Variants in GUCY1A2 observed in about 807,000 individuals in gnomAD.
GUCY1A2 encodes the protein guanylate cyclase 1 soluble subunit alpha 2.
GUCY1A2 carries 27 observed loss-of-function variants against 63.5 expected under a neutral mutation model. The observed-to-expected ratio is 0.43, with a 90% confidence interval of 0.31 to 0.59. The LOEUF (loss-of-function observed/expected upper bound fraction) is 0.59. Among genes scored for constraint, GUCY1A2 ranks in the 20% least tolerant of loss-of-function variants. The pLI is 0.11. For missense variants in GUCY1A2, 768 were observed against 913.3 expected (o/e 0.84, Z 2.05); for synonymous variants, 364 against 343.5 (o/e 1.06, Z -0.66).
intron 4 of GUCY1A2, among the ~76,000 whole-genome samples, chr11:106,858,141 A>G (rs1309426628): frequency 2.0e-5 from 3 of 152,216 alleles, no homozygotes; most frequent in Non-Finnish European, 4.4e-5. Flanking sequence ...TTCAATATTT[A>G]ACAGATTTCA....
rs190241007 is a variant in GUCY1A2, at chr11:107,017,894, G to C, written c.162C>G (p.Ala54=). 0.014 allele frequency: 17,075 copies of C among 1,247,264 alleles called. 1,618 individuals carry two copies. The African/African-American group carries it at 0.22, about 16-fold the overall frequency. 77.3% of individuals were successfully genotyped at this position (1,247,264 alleles called of 1,614,324 possible). The change falls in exon 1 of 8, where the codon GCC becomes GCG. Residue 54 remains alanine, a synonymous_variant. Coordinates refer to ENST00000526355, the MANE Select transcript of GUCY1A2 (RefSeq NM_000855.3). The part of the protein sequence containing the change: ...GPLEPSPAAA[A]AAAAPAPTPA... ...GGGTCGGGGCCGGGGCGGCGGCAGC[G>C]GCAGCTGCGGCCGGGCTGGGCTCCA...
At chr11:106,857,233 T>C (rs973096403) in intron 4 of GUCY1A2, among the ~76,000 whole-genome samples, 1 of 152,164 alleles carries the variant, frequency 6.6e-6, no homozygotes, top group African/African-American at 2.4e-5. Context: ...GTCGAGTTCC[T>C]GGTGAAGACC....
intron 1 of GUCY1A2, among the ~76,000 whole-genome samples, chr11:107,005,498 T>C (rs1048521145): frequency 2.0e-5 from 3 of 152,174 alleles, no homozygotes; most frequent in Middle Eastern, 6.8e-3. Context: ...GGTCTCAAAC[T>C]CCCGGGCTCA....
chr11:106,825,455 A>T (rs1858956407), intron 4 of GUCY1A2, among the ~76,000 whole-genome samples: 1 of 138,046 alleles, frequency 7.2e-6, no homozygotes, highest in South Asian at 2.3e-4. Context: ...GATGAGCTTA[A>T]AAAAAAAATT....
chr11:106,777,318 G>A (rs770289413), intron 5 of GUCY1A2, among the ~76,000 whole-genome samples: 33 of 151,930 alleles, frequency 2.2e-4, no homozygotes, highest in African/African-American at 4.3e-4. Flanking sequence ...ACGGTGGTGC[G>A]TGCCTGTGGT....
chr11:106,774,986 A>T (rs1005428813), intron 6 of GUCY1A2, among the ~76,000 whole-genome samples: 3 of 152,056 alleles, frequency 2.0e-5, no homozygotes, highest in African/African-American at 7.2e-5. Flanking sequence ...TCTGTGTCTG[A>T]TAAGTTTGAT....
At chr11:106,803,723 T>C (rs1196215867) in intron 5 of GUCY1A2, among the ~76,000 whole-genome samples, 1 of 152,148 alleles carries the variant, frequency 6.6e-6, no homozygotes, top group Non-Finnish European at 1.5e-5. Context: ...TTACAGATGA[T>C]AAAATGAGGC....
chr11:106,789,598 A>C (rs1198511938), intron 5 of GUCY1A2, among the ~76,000 whole-genome samples: 2 of 152,138 alleles, frequency 1.3e-5, no homozygotes, highest in Non-Finnish European at 2.9e-5. Context: ...TGCAGTCTTC[A>C]TAGTTTGGGC....
At chr11:106,930,938 TAG>T (rs765778341) in intron 4 of GUCY1A2, among the ~76,000 whole-genome samples, 6 of 152,192 alleles carry the variant, frequency 3.9e-5, no homozygotes, top group Admixed American at 6.5e-5. Context: ...AAGATATCAA[TAG>T]AAAGGATAAA....
At chr11:106,724,878 A>G (rs566041924) in intron 6 of GUCY1A2, among the ~76,000 whole-genome samples, 5 of 152,322 alleles carry the variant, frequency 3.3e-5, no homozygotes, top group African/African-American at 1.2e-4. Context: ...GATTTCATTT[A>G]CTAGATTAGC....
At chr11:106,883,263 T>G (rs1012382576) in intron 4 of GUCY1A2, among the ~76,000 whole-genome samples, 5 of 152,178 alleles carry the variant, frequency 3.3e-5, no homozygotes, top group Admixed American at 3.3e-4. Flanking sequence ...ATTTTTCATC[T>G]ATGCTTTGAT....
intron 4 of GUCY1A2, among the ~76,000 whole-genome samples, chr11:106,913,864 C>G (rs1860329328): frequency 6.6e-6 from 1 of 151,620 alleles, no homozygotes; most frequent in Admixed American, 6.6e-5. Context: ...CAAAGTGTTC[C>G]TTAGCCACAA....
intron 6 of GUCY1A2, among the ~76,000 whole-genome samples, chr11:106,733,233 T>C (rs1025732116): frequency 1.2e-4 from 19 of 152,172 alleles, no homozygotes; most frequent in Admixed American, 2.6e-4. Flanking sequence ...CTTTTTTAGT[T>C]AGATGTACTT....
At chr11:107,005,336 T>C (rs747898007) in intron 1 of GUCY1A2, among the ~76,000 whole-genome samples, 53 of 152,330 alleles carry the variant, frequency 3.5e-4, no homozygotes, top group Non-Finnish European at 6.9e-4. Context: ...TTCAGTAGTG[T>C]GATCATAGCT....
At chr11:106,808,572 G>T (rs1302311744) in intron 5 of GUCY1A2, among the ~76,000 whole-genome samples, 1 of 151,924 alleles carries the variant, frequency 6.6e-6, no homozygotes. Context: ...GTTTTTTCCA[G>T]AGAATAATTT....
At chr11:106,691,223 T>C (rs989329161) in intron 7 of GUCY1A2, among the ~76,000 whole-genome samples, 8 of 152,068 alleles carry the variant, frequency 5.3e-5, no homozygotes, top group African/African-American at 1.7e-4. Flanking sequence ...AATAAGTTAA[T>C]ATAACTAAAA....
intron 4 of GUCY1A2, among the ~76,000 whole-genome samples, chr11:106,932,035 C>G (rs1013925822): frequency 1.3e-5 from 2 of 151,250 alleles, no homozygotes; most frequent in South Asian, 2.1e-4. Flanking sequence ...TTTTTTTTCA[C>G]TGAGACTTAA....
At chr11:106,950,608 T>C (rs1379084248) in intron 3 of GUCY1A2, among the ~76,000 whole-genome samples, 2 of 152,210 alleles carry the variant, frequency 1.3e-5, no homozygotes, top group Non-Finnish European at 2.9e-5. Context: ...AGGGGATTAC[T>C]GTGACGTACA....
At chr11:106,896,856 G>T (rs1860057477) in intron 4 of GUCY1A2, among the ~76,000 whole-genome samples, 1 of 152,124 alleles carries the variant, frequency 6.6e-6, no homozygotes, top group African/African-American at 2.4e-5. Flanking sequence ...TGTTATCACA[G>T]AACAAATGAA....
Sources: gnomAD v4.1 joint callset for allele counts (sites outside exome capture counted in the v4.1 genomes callset) on GRCh38, gnomAD v4.1.1 for gene constraint, MANE v1.5 for transcripts, NCBI Gene and HGNC (gene_info 2026-07-23, HGNC 2026-07-21) for gene names.